Variants in NUBPL observed in about 807,000 individuals in gnomAD.
NUBPL encodes the protein NUBP iron-sulfur cluster assembly factor, mitochondrial, also known as iron-sulfur cluster transfer protein NUBPL.
A neutral mutation model predicts 45.7 loss-of-function variants in NUBPL; 31 were observed. The observed-to-expected ratio is 0.68, with a 90% CI of 0.51 to 0.92. NUBPL has a LOEUF of 0.92. NUBPL is among the 40% of genes least tolerant of loss of function. The pLI is 0.00. For missense variants in NUBPL, 401 were observed against 398.7 expected (o/e 1.01, Z -0.05); for synonymous variants, 144 against 140.9 (o/e 1.02, Z -0.15).
intron 6 of NUBPL, among the ~76,000 whole-genome samples, chr14:31,692,249 CTGT>C (rs1239032497): frequency 5.3e-5 from 8 of 152,018 alleles, no homozygotes; most frequent in Non-Finnish European, 7.4e-5. Context: ...TAAAATTTTT[CTGT>C]TGTTAAGATT....
At chr14:31,577,408 T>A (rs1306903811) in intron 3 of NUBPL, among the ~76,000 whole-genome samples, 1 of 152,112 alleles carries the variant, frequency 6.6e-6, no homozygotes, top group Non-Finnish European at 1.5e-5. Flanking sequence ...ATTGCTTGGC[T>A]TGGTTTGTTT....
chr14:31,593,469 G>T (rs1490306951), intron 3 of NUBPL, among the ~76,000 whole-genome samples: 1 of 137,364 alleles, frequency 7.3e-6, no homozygotes, highest in Non-Finnish European at 1.5e-5. Flanking sequence ...AGCTGAGATT[G>T]CGCCACTGCA....
At chr14:31,661,013 T>G (rs1000642450) in intron 4 of NUBPL, among the ~76,000 whole-genome samples, 3 of 152,224 alleles carry the variant, frequency 2.0e-5, no homozygotes, top group Non-Finnish European at 4.4e-5. Flanking sequence ...TTTGATGTGG[T>G]CACAGTGGCA....
chr14:31,836,796 T>C (rs993504446), intron 8 of NUBPL, among the ~76,000 whole-genome samples: 4 of 152,196 alleles, frequency 2.6e-5, no homozygotes, highest in African/African-American at 9.7e-5. Flanking sequence ...ATGTCTTCTC[T>C]TTTTTAATAA....
intron 7 of NUBPL, among the ~76,000 whole-genome samples, chr14:31,790,681 C>T (rs2039364741): frequency 6.6e-6 from 1 of 151,848 alleles, no homozygotes; most frequent in Non-Finnish European, 1.5e-5. Context: ...GAAACCCCAT[C>T]TCTACTAAAA....
chr14:31,701,485 G>A (rs1172546503), intron 6 of NUBPL, among the ~76,000 whole-genome samples: 7 of 152,234 alleles, frequency 4.6e-5, no homozygotes, highest in Admixed American at 2.0e-4. Flanking sequence ...GTCCCCTTCC[G>A]CATGTGGAAG....
chr14:31,669,968 A>G (rs550349402), intron 4 of NUBPL, among the ~76,000 whole-genome samples: 8 of 151,924 alleles, frequency 5.3e-5, no homozygotes, highest in Non-Finnish European at 1.2e-4. Context: ...TTATGGTACA[A>G]TGATTTATAT....
chr14:31,712,829 C>G (rs1347893392), intron 6 of NUBPL, among the ~76,000 whole-genome samples: 1 of 152,222 alleles, frequency 6.6e-6, no homozygotes, highest in Non-Finnish European at 1.5e-5. Context: ...AGATCAGTCT[C>G]AAATCCATCT....
At chr14:31,744,352 T>C (rs8018186) in intron 6 of NUBPL, among the ~76,000 whole-genome samples, 70,167 of 152,028 alleles carry the variant, frequency 0.46, 17,496 homozygotes, top group African/African-American at 0.66. Context: ...ATTCAGAATA[T>C]CATTTGTCAT....
At chr14:31,582,922 A>C (rs915558954) in intron 3 of NUBPL, among the ~76,000 whole-genome samples, 1 of 152,236 alleles carries the variant, frequency 6.6e-6, no homozygotes, top group Non-Finnish European at 1.5e-5. Context: ...GGAGGAAATT[A>C]AAGTCAGGAA....
chr14:31,726,628 T>C (rs377290576), intron 6 of NUBPL, among the ~76,000 whole-genome samples: 4 of 150,468 alleles, frequency 2.7e-5, no homozygotes, highest in East Asian at 2.0e-4. Context: ...CCTCAATGTC[T>C]AGAGAGCACC....
chr14:31,638,611 A>G (rs996144565), intron 4 of NUBPL, among the ~76,000 whole-genome samples: 1 of 151,942 alleles, frequency 6.6e-6, no homozygotes, highest in Non-Finnish European at 1.5e-5. Flanking sequence ...CGTTCTCTGT[A>G]TTTCCTGAAT....
intron 6 of NUBPL, among the ~76,000 whole-genome samples, chr14:31,757,574 T>TA (rs1405334628): frequency 6.6e-6 from 1 of 152,164 alleles, no homozygotes; most frequent in African/African-American, 2.4e-5. Flanking sequence ...ATTTTAGAGT[T>TA]ACGTTGCTAA....
At chr14:31,593,472 C>T (rs1250458858) in intron 3 of NUBPL, among the ~76,000 whole-genome samples, 1 of 145,286 alleles carries the variant, frequency 6.9e-6, no homozygotes, top group African/African-American at 2.5e-5. Flanking sequence ...TGAGATTGCG[C>T]CACTGCACTC....
rs115947884 is a variant in NUBPL, at chr14:31,562,313, T to A, written c.256+98T>A. On this transcript the variant is annotated intron_variant, in intron 2 of 10. Coordinates refer to ENST00000281081, the MANE Select transcript of NUBPL (RefSeq NM_025152.3). ...TAGTTTTGTGTTTTAAAAATTTATT[T>A]GTGAAGTTCCTAACATGTGATTCCT... 6.3e-4 allele frequency: 738 copies of A among 1,178,320 alleles called. 3 individuals are homozygous for A. The African/African-American group carries it at 0.01, about 16-fold the overall frequency. The allele number at this position is 1,178,320 out of a possible 1,614,324, so 73.0% of individuals were successfully genotyped here.
intron 3 of NUBPL, among the ~76,000 whole-genome samples, chr14:31,568,875 G>T (rs748155414): frequency 2.0e-5 from 3 of 152,184 alleles, no homozygotes; most frequent in Non-Finnish European, 4.4e-5. Context: ...AGTGGATTGC[G>T]TAAGCCCTGG....
At chr14:31,776,034 A>G (rs2039092645) in intron 6 of NUBPL, among the ~76,000 whole-genome samples, 1 of 152,238 alleles carries the variant, frequency 6.6e-6, no homozygotes, top group Non-Finnish European at 1.5e-5. Flanking sequence ...CTAAGCCTCC[A>G]GAAATTTATG....
intron 4 of NUBPL, among the ~76,000 whole-genome samples, chr14:31,606,976 A>G (rs1169751869): frequency 1.2e-4 from 19 of 152,134 alleles, no homozygotes; most frequent in Admixed American, 1.2e-3. Flanking sequence ...TGCTGACATC[A>G]CTTTATTTTG....
intron 6 of NUBPL, among the ~76,000 whole-genome samples, chr14:31,748,715 C>A (rs1016048041): frequency 6.6e-6 from 1 of 152,010 alleles, no homozygotes; most frequent in Admixed American, 6.5e-5. Context: ...CGGGTTCAAG[C>A]GTTTCTCCTG....
Sources: gnomAD v4.1 joint callset for allele counts (sites outside exome capture counted in the v4.1 genomes callset) on GRCh38, gnomAD v4.1.1 for gene constraint, MANE v1.5 for transcripts, NCBI Gene and HGNC (gene_info 2026-07-23, HGNC 2026-07-21) for gene names.